The following TJP1 variants were observed in gnomAD, a reference collection of about 807,000 sequenced individuals.
TJP1 encodes tight junction protein 1.
Under a neutral mutation model 194.2 loss-of-function variants are expected in TJP1, and 43 were observed. The ratio of observed to expected loss-of-function variants is 0.22; its 90% CI spans 0.17 to 0.29. TJP1 has a LOEUF of 0.29. Ranked by LOEUF, TJP1 falls within the 10% of genes least tolerant of loss-of-function variation. The probability of loss-of-function intolerance (pLI) is 1.00; values close to 1 mark genes in which losing one functional copy is unlikely to be tolerated. For missense variants in TJP1, 1,971 were observed against 2,185.7 expected (o/e 0.90, Z 1.96); for synonymous variants, 801 against 779.0 (o/e 1.03, Z -0.47).
chr15:29,808,383 G>A (rs570870290), intron 1 of TJP1, among the ~76,000 whole-genome samples: 48 of 152,322 alleles, frequency 3.2e-4, no homozygotes, highest in Admixed American at 6.5e-4. Flanking sequence ...GCTTCGGGAC[G>A]TAAAGTAAAT....
At chr15:29,865,920 G>A (rs925640814) in intron 2 of TJP1, among the ~76,000 whole-genome samples, 3 of 152,178 alleles carry the variant, frequency 2.0e-5, no homozygotes, top group East Asian at 1.9e-4. Context: ...AAATCGCCAG[G>A]CACTGTGCTA....
At chr15:29,866,972 G>A (rs1486343341) in intron 2 of TJP1, among the ~76,000 whole-genome samples, 4 of 152,298 alleles carry the variant, frequency 2.6e-5, no homozygotes, top group African/African-American at 7.2e-5. Flanking sequence ...GCCTGAGCGC[G>A]TCTTCACTCA....
At position 29,777,473 on chromosome 15, in the gene TJP1, T is replaced by C. The variant is rs567945814; in HGVS notation, c.85-4116A>G. On this transcript the variant is annotated intron_variant, in intron 2 of 27. Coordinates refer to ENST00000614355, the MANE Select transcript of TJP1 (RefSeq NM_001330239.4). The stretch of plus-strand genomic sequence containing the variant: ...GTCGATATTAAGAACTACTTAAACA[T>C]GAAGGGAGAAAAATAAATAAATAAA... Among the ~76,000 whole-genome samples the C allele has an allele frequency of 9.2e-5, 14 of 151,922 alleles. No homozygotes were observed. The South Asian group carries it at 2.9e-3, about 32-fold the overall frequency.
At chr15:29,760,404 T>G (rs890964803) in intron 8 of TJP1, 50 of 608,852 alleles carry the variant, frequency 8.2e-5, no homozygotes, top group South Asian at 7.9e-4. Context: ...GAGAAAGAGT[T>G]CCGCTCTGTC....
chr15:29,731,367 C>T (rs2043647955), intron 15 of TJP1, among the ~76,000 whole-genome samples: 1 of 152,136 alleles, frequency 6.6e-6, no homozygotes, highest in Non-Finnish European at 1.5e-5. Context: ...GACTTAACTC[C>T]CTTAAGCCCA....
rs774194369 is a variant in TJP1 at position 29,737,290 on chromosome 15, A to G, written c.1381T>C (p.Leu461=). ...LEDSPAAKEG[L]EEGDQILRVN... ...CTGAGAATTTGATCACCTTCCTCTA[A>G]GCCTTCCTTGGCTGCAGGGCTATCT... Residue 461 remains leucine (L), a synonymous_variant, in exon 11 of 28, where the codon TTA becomes CTA. Transcript: ENST00000614355. 6.2e-7 allele frequency: 1 copy of G among 1,614,134 alleles called. No individual in the cohort carries two copies. Among genetic ancestry groups the G allele is most frequent in the South Asian group, 1.1e-5 (1 of 91,076 alleles).
chr15:29,949,167 C>CCACCACCACCTCCAT (rs2055407757), intron 2 of TJP1, among the ~76,000 whole-genome samples: 2 of 150,344 alleles, frequency 1.3e-5, no homozygotes, highest in African/African-American at 2.4e-5. Flanking sequence ...ACTACCTCCA[C>CCACCACCACCTCCAT]CACCACCACC....
chr15:29,864,960 A>G (rs2052250334), intron 2 of TJP1, among the ~76,000 whole-genome samples: 1 of 152,182 alleles, frequency 6.6e-6, no homozygotes, highest in Non-Finnish European at 1.5e-5. Flanking sequence ...AAAAGGCAAA[A>G]TTGCAGCTAA....
At chr15:29,754,676 C>T (rs1377360102) in intron 8 of TJP1, among the ~76,000 whole-genome samples, 1 of 152,120 alleles carries the variant, frequency 6.6e-6, no homozygotes, top group East Asian at 1.9e-4. Context: ...ATGCTTGGGA[C>T]CAGAACTGTT....
chr15:29,747,787 T>C (rs2044906256), intron 8 of TJP1, among the ~76,000 whole-genome samples: 1 of 152,240 alleles, frequency 6.6e-6, no homozygotes, highest in Non-Finnish European at 1.5e-5. Flanking sequence ...AGGTCGTCAT[T>C]GGCTATACAT....
At chr15:29,946,107 T>C (rs1322988239) in intron 2 of TJP1, among the ~76,000 whole-genome samples, 1 of 152,082 alleles carries the variant, frequency 6.6e-6, no homozygotes, top group East Asian at 1.9e-4. Context: ...TGTCACAACA[T>C]CAGGAGAGCC....
At chr15:29,919,286 AGGCCCAGAG>A (rs2054282453) in intron 2 of TJP1, among the ~76,000 whole-genome samples, 1 of 152,232 alleles carries the variant, frequency 6.6e-6, no homozygotes, top group Non-Finnish European at 1.5e-5. Context: ...CAGGGGCAGC[AGGCCCAGAG>A]GGCATTAGGT....
chr15:29,845,819 T>G (rs536362583), intron 2 of TJP1, among the ~76,000 whole-genome samples: 1 of 152,004 alleles, frequency 6.6e-6, no homozygotes, highest in African/African-American at 2.4e-5. Flanking sequence ...TAAATAAAAT[T>G]AAATTAAAAA....
intron 1 of TJP1, among the ~76,000 whole-genome samples, chr15:29,815,943 G>A (rs921675944): frequency 8.6e-5 from 13 of 152,000 alleles, no homozygotes; most frequent in South Asian, 2.1e-4. Context: ...ACGGGAAGCA[G>A]TACTACATAT....
intron 2 of TJP1, among the ~76,000 whole-genome samples, chr15:29,929,502 G>C (rs1403619935): frequency 6.6e-6 from 1 of 152,094 alleles, no homozygotes; most frequent in African/African-American, 2.4e-5. Flanking sequence ...TTTGATACCA[G>C]CCTGGCCAAC....
At chr15:29,701,803 A>T in intron 27 of TJP1, 114 bp from the exon 28 acceptor site, 1 of 721,660 alleles carries the variant, frequency 1.4e-6, no homozygotes, top group South Asian at 1.9e-5. Context: ...CTGTTTCTTC[A>T]GCATATTGAA....
chr15:29,949,220 AC>A (rs2055416362), intron 2 of TJP1, among the ~76,000 whole-genome samples: 2 of 109,112 alleles, frequency 1.8e-5, no homozygotes, highest in Non-Finnish European at 3.5e-5. Context: ...CACCACCTCC[AC>A]TTTCACCACC....
At chr15:29,742,924 A>C in intron 8 of TJP1, 143 bp from the exon 9 acceptor site, 1 of 650,626 alleles carries the variant, frequency 1.5e-6, no homozygotes, top group Non-Finnish European at 2.2e-6. Flanking sequence ...GTAAAAACCT[A>C]GTAATTAAAA....
chr15:29,903,569 C>T (rs2053703110), intron 2 of TJP1, among the ~76,000 whole-genome samples: 1 of 152,058 alleles, frequency 6.6e-6, no homozygotes, highest in Non-Finnish European at 1.5e-5. Context: ...CTCAGCCTCC[C>T]AAGTAGCTGG....
Sources: gnomAD v4.1 joint callset for allele counts (sites outside exome capture counted in the v4.1 genomes callset) on GRCh38, gnomAD v4.1.1 for gene constraint, MANE v1.5 for transcripts, NCBI Gene and HGNC (gene_info 2026-07-23, HGNC 2026-07-21) for gene names.